Variants in ADAP2 observed in about 807,000 individuals in gnomAD.
ADAP2 encodes ArfGAP with dual PH domains 2.
A neutral mutation model predicts 54.9 loss-of-function variants in ADAP2; 42 were observed. The ratio of observed to expected loss-of-function variants is 0.77; its 90% CI spans 0.60 to 0.99. The LOEUF (loss-of-function observed/expected upper bound fraction) is 0.99, where lower values mean the gene tolerates loss of function less well. Ranked by LOEUF, ADAP2 falls within the 50% of genes least tolerant of loss-of-function variation. ADAP2 has a pLI of 0.00. For missense variants in ADAP2, 429 were observed against 480.4 expected (o/e 0.89, Z 1.00); for synonymous variants, 177 against 180.1 (o/e 0.98, Z 0.14).
rs149482815 is a variant in ADAP2 at position 30,957,490 on chromosome 17, C to T, written c.1112-345C>T. Among the ~76,000 whole-genome samples the T allele has an allele frequency of 8.1e-3, 1,230 of 151,428 alleles. 19 individuals are homozygous for T. The highest frequency in any genetic ancestry group is 0.028 in the African/African-American group (1,169 of 41,212). On this transcript the variant is annotated intron_variant, in intron 10 of 10. Coordinates refer to ENST00000330889, the MANE Select transcript of ADAP2 (RefSeq NM_018404.3). ...TCACCCAGGCTGGAGTGCAGTGGTGCGATCTCAGCTCACTGCAACCTCTTC... is the reference window on the plus strand; with the variant it reads ...TCACCCAGGCTGGAGTGCAGTGGTGTGATCTCAGCTCACTGCAACCTCTTC...
chr17:30,932,859 C>T (rs567576182), intron 4 of ADAP2, among the ~76,000 whole-genome samples: 7 of 152,154 alleles, frequency 4.6e-5, no homozygotes, highest in South Asian at 2.1e-4. Flanking sequence ...TGAGCCACCG[C>T]GCCCAGCATC....
intron 2 of ADAP2, among the ~76,000 whole-genome samples, chr17:30,924,376 A>C (rs1444993479): frequency 6.6e-6 from 1 of 152,042 alleles, no homozygotes; most frequent in Non-Finnish European, 1.5e-5. Flanking sequence ...ACCTCAAAAA[A>C]AAAAAAAAAG....
chr17:30,922,217 A>C, intron 1 of ADAP2, 109 bp downstream of exon 1: 4 of 789,868 alleles, frequency 5.1e-6, no homozygotes, highest in Non-Finnish European at 6.8e-6. Flanking sequence ...CTGGACCCAG[A>C]CGTGGCACCT....
rs144212441 is a variant in ADAP2, at chr17:30,956,250, G to A, written c.892G>A (p.Glu298Lys). The A allele has an allele frequency of 3.7e-5, 60 of 1,614,088 alleles. No individual in the cohort carries two copies. The East Asian group carries it at 7.4e-4, about 20-fold the overall frequency. Residue 298 changes from glutamate to lysine, a missense_variant, in exon 10 of 11, where the codon GAG becomes AAG. Physicochemically the swap from Glu to Lys is moderately conservative, Grantham distance 56. Transcript: ENST00000330889. ...TACTCTCCATTTTCAGGATGCCTTCGAGCAGGGCCAGGTTTTTCTTGGGAA... is the reference window on the plus strand; with the variant it reads ...TACTCTCCATTTTCAGGATGCCTTCAAGCAGGGCCAGGTTTTTCTTGGGAA... Reference protein sequence around the residue: ...LYYKNPLDAFEQGQVFLGNKE... With the variant: ...LYYKNPLDAFKQGQVFLGNKE...
chr17:30,944,401 C>T (rs1912498593), intron 5 of ADAP2, among the ~76,000 whole-genome samples: 1 of 151,948 alleles, frequency 6.6e-6, no homozygotes, highest in Non-Finnish European at 1.5e-5. Flanking sequence ...CTTTGGTAGG[C>T]CAAGGCAGGT....
intron 5 of ADAP2, among the ~76,000 whole-genome samples, chr17:30,941,508 A>G (rs1334271368): frequency 1.3e-5 from 2 of 152,184 alleles, no homozygotes; most frequent in East Asian, 3.8e-4. Flanking sequence ...AGCAGAATTC[A>G]TGTTGCTCTG....
At chr17:30,923,546 G>T (rs1910802127) in intron 2 of ADAP2, among the ~76,000 whole-genome samples, 1 of 151,388 alleles carries the variant, frequency 6.6e-6, no homozygotes, top group East Asian at 2.0e-4. Context: ...TTACAGGCCT[G>T]AACCATCCTG....
At chr17:30,954,929 A>G (rs1469037051) in intron 9 of ADAP2, among the ~76,000 whole-genome samples, 1 of 152,072 alleles carries the variant, frequency 6.6e-6, no homozygotes, top group Non-Finnish European at 1.5e-5. Flanking sequence ...TGCCACTTGT[A>G]GTAGTGTTGC....
At chr17:30,946,072 G>A (rs546898854) in intron 6 of ADAP2, among the ~76,000 whole-genome samples, 12 of 149,326 alleles carry the variant, frequency 8.0e-5, no homozygotes, top group Admixed American at 4.7e-4. Flanking sequence ...GGAGAATGGC[G>A]TGAACCCAGG....
chr17:30,955,650 A>G (rs1905011670), intron 9 of ADAP2, among the ~76,000 whole-genome samples: 1 of 150,656 alleles, frequency 6.6e-6, no homozygotes, highest in Non-Finnish European at 1.5e-5. Flanking sequence ...GAGGGTGCAG[A>G]GGGTGCATGC....
At chr17:30,929,273 C>A (rs1342130860) in intron 3 of ADAP2, among the ~76,000 whole-genome samples, 1 of 152,218 alleles carries the variant, frequency 6.6e-6, no homozygotes, top group East Asian at 1.9e-4. Context: ...TATGTAGAAC[C>A]TTTCACATGC....
chr17:30,933,169 C>T (rs956165071), intron 4 of ADAP2, among the ~76,000 whole-genome samples: 1 of 152,112 alleles, frequency 6.6e-6, no homozygotes, highest in South Asian at 2.1e-4. Flanking sequence ...GCTACCAGGA[C>T]CACAAATTAT....
At position 30,926,906 on chromosome 17, in the gene ADAP2, C is replaced by A; in HGVS notation, c.305C>A (p.Ala102Asp). 1 of 1,613,824 alleles carries A rather than the reference C, an allele frequency of 6.2e-7. No individual in the cohort carries two copies. The highest frequency in any genetic ancestry group is 8.5e-7 in the Non-Finnish European group (1 of 1,179,692). Residue 102 changes from alanine to aspartate, a missense_variant, in exon 3 of 11, where the codon GCC (alanine) becomes GAC (aspartate). By Grantham distance (126) the Ala-to-Asp change is moderately radical. Coordinates refer to ENST00000330889, the MANE Select transcript of ADAP2 (RefSeq NM_018404.3). ...CCAGCTTTCTACTACATCCCCCAGG[C>A]CAACGACTGCCTGTGAGTGGGTGAT... ...RVPAFYYIPQ[A>D]NDCLVLKEQW...
chr17:30,937,917 G>A (rs1203652241), intron 5 of ADAP2, among the ~76,000 whole-genome samples: 1 of 152,228 alleles, frequency 6.6e-6, no homozygotes, highest in African/African-American at 2.4e-5. Flanking sequence ...GAAGTTGGAT[G>A]TATGTTTCCT....
chr17:30,949,206 C>CTAGCTTCCCGCCACCAGAGG, intron 6 of ADAP2, 81 bp from the exon 7 acceptor site: 1 of 1,185,826 alleles, frequency 8.4e-7, no homozygotes, highest in Non-Finnish European at 1.3e-6. Context: ...CAATGCCCAG[C>CTAGCTTCCCGCCACCAGAGG]TAGCTTCCCG....
intron 4 of ADAP2, among the ~76,000 whole-genome samples, chr17:30,933,656 T>C (rs1219233573): frequency 4.6e-5 from 7 of 152,110 alleles, no homozygotes; most frequent in Non-Finnish European, 7.4e-5. Context: ...CGCGCCACCA[T>C]GCCCAGCTAA....
chr17:30,936,810 T>C (rs931021025), intron 5 of ADAP2, among the ~76,000 whole-genome samples: 2 of 152,204 alleles, frequency 1.3e-5, no homozygotes, highest in Non-Finnish European at 2.9e-5. Context: ...ATATTCTAGA[T>C]ACAAGTCACT....
chr17:30,928,177 A>G (rs1228745860), intron 3 of ADAP2, among the ~76,000 whole-genome samples: 2 of 146,262 alleles, frequency 1.4e-5, no homozygotes, highest in Non-Finnish European at 3.0e-5. Flanking sequence ...TGGGCAACAG[A>G]AGGAGACTGT....
chr17:30,935,507 G>A (rs2142533626), intron 5 of ADAP2, among the ~76,000 whole-genome samples: 1 of 152,296 alleles, frequency 6.6e-6, no homozygotes, highest in East Asian at 1.9e-4. Context: ...GAACAAATGT[G>A]AGCACTGAGT....
Sources: gnomAD v4.1 joint callset for allele counts (sites outside exome capture counted in the v4.1 genomes callset) on GRCh38, gnomAD v4.1.1 for gene constraint, MANE v1.5 for transcripts, NCBI Gene and HGNC (gene_info 2026-07-23, HGNC 2026-07-21) for gene names.